The following LPP variants were observed in gnomAD, a reference collection of about 807,000 sequenced individuals.
LPP encodes lipoma-preferred partner.
A neutral mutation model predicts 60.4 loss-of-function variants in LPP; 38 were observed. The ratio of observed to expected loss-of-function variants is 0.63; its 90% CI spans 0.49 to 0.83. The LOEUF is 0.83. Among genes scored for constraint, LPP ranks in the 40% least tolerant of loss-of-function variants. LPP has a pLI of 0.00. For synonymous variants in LPP, 328 were observed against 290.8 expected (o/e 1.13, Z -1.30); for missense variants, 902 against 783.6 (o/e 1.15, Z -1.80).
At chr3:188,476,054 A>T (rs1280305273) in intron 4 of LPP, among the ~76,000 whole-genome samples, 1 of 151,766 alleles carries the variant, frequency 6.6e-6, no homozygotes, top group Non-Finnish European at 1.5e-5. Flanking sequence ...TTAAAATTGC[A>T]ACTCCCACCA....
At chr3:188,547,514 C>T (rs1034487204) in intron 6 of LPP, among the ~76,000 whole-genome samples, 2 of 152,182 alleles carry the variant, frequency 1.3e-5, no homozygotes, top group Non-Finnish European at 1.5e-5. Flanking sequence ...GCGGGCCTGT[C>T]TCTAACAGGA....
At position 188,491,095 on chromosome 3, in the gene LPP, A is replaced by G. The variant is rs375056026; in HGVS notation, c.306+6391A>G. Among the ~76,000 whole-genome samples the G allele has an allele frequency of 2.9e-4, 44 of 152,230 alleles. 1 individual carries two copies. In the South Asian group the frequency reaches 9.1e-3, roughly 32 times the overall value. ...TTTTTGTCTTGTGATTCCATGTAGG[A>G]CTATCATGGTCTCAGGTACAGAACA... is the stretch of plus-strand genomic sequence containing the variant. On this transcript the variant is annotated intron_variant, in intron 5 of 11. Transcript: ENST00000617246.
intron 4 of LPP, among the ~76,000 whole-genome samples, chr3:188,432,951 G>T (rs964751845): frequency 2.6e-5 from 4 of 152,096 alleles, no homozygotes; most frequent in African/African-American, 9.7e-5. Flanking sequence ...AAGGTATTCT[G>T]CCAAGAGCTG....
At chr3:188,169,758 A>G (rs1200790043) in intron 1 of LPP, among the ~76,000 whole-genome samples, 1 of 152,144 alleles carries the variant, frequency 6.6e-6, no homozygotes, top group Non-Finnish European at 1.5e-5. Context: ...TGCTTTGGGG[A>G]AAGCTGCTGT....
intron 8 of LPP, chr3:188,710,352 T>C (rs961940824): frequency 3.3e-5 from 5 of 152,210 alleles, no homozygotes; most frequent in Non-Finnish European, 7.3e-5. Flanking sequence ...CAAGCAATAC[T>C]GGCATGTCAC....
chr3:188,667,315 A>G (rs975080754), intron 7 of LPP, among the ~76,000 whole-genome samples: 5 of 151,962 alleles, frequency 3.3e-5, no homozygotes, highest in Admixed American at 3.3e-4. Context: ...CATCTCCACT[A>G]AAAATACAAA....
At chr3:188,332,174 T>G (rs1760275564) in intron 2 of LPP, among the ~76,000 whole-genome samples, 1 of 152,192 alleles carries the variant, frequency 6.6e-6, no homozygotes, top group African/African-American at 2.4e-5. Context: ...ATCTAGAATT[T>G]AACATGATTT....
chr3:188,637,366 G>A (rs1436352050), intron 7 of LPP, among the ~76,000 whole-genome samples: 1 of 152,144 alleles, frequency 6.6e-6, no homozygotes, highest in East Asian at 1.9e-4. Context: ...TCAAAACAGT[G>A]TGTAGAGGGA....
At chr3:188,688,319 G>A (rs1168621329) in intron 7 of LPP, among the ~76,000 whole-genome samples, 1 of 152,180 alleles carries the variant, frequency 6.6e-6, no homozygotes, top group African/African-American at 2.4e-5. Context: ...TAGAGTTAAT[G>A]ACTCAAATCA....
chr3:188,204,844 G>A (rs562747101), intron 1 of LPP, among the ~76,000 whole-genome samples: 1 of 152,134 alleles, frequency 6.6e-6, no homozygotes, highest in Non-Finnish European at 1.5e-5. Flanking sequence ...AGTGTAAGAT[G>A]GTCATGAGTT....
rs1223319329 is a variant in LPP at position 188,287,756 on chromosome 3, T to G, written c.-66-53907T>G. Among the ~76,000 whole-genome samples, 4 of 152,284 alleles carry G rather than the reference T, an allele frequency of 2.6e-5. No homozygotes were observed. The East Asian group carries it at 7.7e-4, about 29-fold the overall frequency. On this transcript the variant is annotated intron_variant, in intron 2 of 11. Coordinates refer to ENST00000617246, the MANE Select transcript of LPP (RefSeq NM_001375462.1). ...GCAAGGAGTAATCGTCACCTTGAAT[T>G]TAGAGCACATAGAGGCCTAGAAATG...
At chr3:188,458,969 G>A (rs899159958) in intron 4 of LPP, among the ~76,000 whole-genome samples, 2 of 151,908 alleles carry the variant, frequency 1.3e-5, no homozygotes, top group African/African-American at 4.8e-5. Flanking sequence ...GGTTTGGAGA[G>A]ACCCCAGGTT....
intron 7 of LPP, among the ~76,000 whole-genome samples, chr3:188,673,328 T>TCAAC (rs1560044428): frequency 2.0e-5 from 3 of 151,964 alleles, no homozygotes; most frequent in African/African-American, 4.8e-5. Context: ...TGGAAACAAA[T>TCAAC]AACAACAACA....
At chr3:188,239,520 T>C (rs1371051316) in intron 2 of LPP, among the ~76,000 whole-genome samples, 1 of 152,194 alleles carries the variant, frequency 6.6e-6, no homozygotes, top group Non-Finnish European at 1.5e-5. Flanking sequence ...TCGCTATTGG[T>C]TTTAACAAAA....
intron 9 of LPP, among the ~76,000 whole-genome samples, chr3:188,827,223 T>G (rs886108284): frequency 6.6e-6 from 1 of 152,098 alleles, no homozygotes; most frequent in African/African-American, 2.4e-5. Context: ...CCAGATCACA[T>G]AGTGAGTGAT....
At chr3:188,383,180 A>G (rs1428248798) in intron 3 of LPP, among the ~76,000 whole-genome samples, 1 of 152,184 alleles carries the variant, frequency 6.6e-6, no homozygotes, top group East Asian at 1.9e-4. Flanking sequence ...TTAAAAATTT[A>G]TGAGGATTCT....
At chr3:188,249,341 G>A (rs2149538853) in intron 2 of LPP, among the ~76,000 whole-genome samples, 1 of 152,062 alleles carries the variant, frequency 6.6e-6, no homozygotes, top group Non-Finnish European at 1.5e-5. Flanking sequence ...AGGCTGCCGT[G>A]AGCTGAGATT....
chr3:188,221,454 T>A (rs1197162635), intron 1 of LPP, among the ~76,000 whole-genome samples: 1 of 152,202 alleles, frequency 6.6e-6, no homozygotes, highest in Non-Finnish European at 1.5e-5. Context: ...CACTGTGTTA[T>A]CCAAGACAGA....
At chr3:188,267,618 C>T (rs1736047968) in intron 2 of LPP, among the ~76,000 whole-genome samples, 1 of 152,158 alleles carries the variant, frequency 6.6e-6, no homozygotes, top group Non-Finnish European at 1.5e-5. Flanking sequence ...ACTGGAGTTG[C>T]TTTAAGGCTC....
Sources: allele counts gnomAD v4.1 joint callset (sites outside exome capture counted in the v4.1 genomes callset), GRCh38; gene constraint gnomAD v4.1.1; transcripts MANE v1.5; gene names NCBI Gene and HGNC (gene_info 2026-07-23, HGNC 2026-07-21).